The following MYO10 variants were observed in gnomAD, a reference collection of about 807,000 sequenced individuals.
MYO10 encodes the protein myosin X, also known as unconventional myosin-X.
In MYO10, 133 loss-of-function variants were observed where a neutral mutation model predicts 257.3. The ratio of observed to expected loss-of-function variants is 0.52; its 90% CI spans 0.45 to 0.60. MYO10 has a LOEUF of 0.60. Ranked by LOEUF, MYO10 falls within the 20% of genes least tolerant of loss-of-function variation. The pLI, the probability that MYO10 is intolerant of heterozygous loss-of-function variation, is 0.00. For missense variants in MYO10, 2,399 were observed against 2,635.7 expected, an observed-to-expected ratio of 0.91 and a Z score of 1.97; for synonymous variants, 1,104 against 1,028.6, an observed-to-expected ratio of 1.07 and a Z score of -1.40.
At chr5:16,795,780 T>C (rs754845314) in intron 3 of MYO10, among the ~76,000 whole-genome samples, 145 of 152,202 alleles carry the variant, frequency 9.5e-4, no homozygotes, top group Non-Finnish European at 1.7e-3. Flanking sequence ...AAGTGCTAGG[T>C]CTGTGAATGT....
chr5:16,805,305 A>G (rs1189807508), intron 3 of MYO10, among the ~76,000 whole-genome samples: 1 of 151,888 alleles, frequency 6.6e-6, no homozygotes, highest in Admixed American at 6.6e-5. Flanking sequence ...TCTACTAAAA[A>G]TACAAAATTA....
chr5:16,728,704 G>A (rs1372478339), intron 19 of MYO10, among the ~76,000 whole-genome samples: 4 of 152,160 alleles, frequency 2.6e-5, no homozygotes, highest in Admixed American at 2.0e-4. Flanking sequence ...TGATCCAAGT[G>A]GAGTGGCTTG....
chr5:16,699,797 AAAAAAAAAAAG>A (rs1294822149), intron 25 of MYO10, among the ~76,000 whole-genome samples: 3 of 147,342 alleles, frequency 2.0e-5, no homozygotes, highest in Non-Finnish European at 2.9e-5. Context: ...AAAAAAAAAA[AAAAAAAAAAAG>A]GGAAAAGGAA....
chr5:16,851,589 CATA>C (rs1277250641), intron 2 of MYO10, among the ~76,000 whole-genome samples: 1 of 152,156 alleles, frequency 6.6e-6, no homozygotes, highest in Admixed American at 6.5e-5. Context: ...GTGCCCAGGT[CATA>C]ATGTGAGCTC....
At position 16,680,055 on chromosome 5, in the gene MYO10, G is replaced by A. The variant is rs764407217; in HGVS notation, c.4434C>T (p.Tyr1478=). 2.5e-6 allele frequency: 4 copies of A among 1,613,876 alleles called. No individual in the cohort carries two copies. The highest frequency in any genetic ancestry group is 3.4e-6 in the Non-Finnish European group (4 of 1,179,782). The change falls in exon 33 of 41, where the codon TAC becomes TAT. Residue 1478 remains tyrosine (Y), a synonymous_variant. Coordinates refer to ENST00000513610, the MANE Select transcript of MYO10 (RefSeq NM_012334.3). ...VYGRKHCYRL[Y]TKLLNEATRW... is the part of the protein sequence containing the mutation. Reference sequence around the variant, plus strand: ...GGGTGGCCTCGTTGAGCAGCTTGGTGTAGAGCCGGTAACAGTGCTTGCGCC... The same window carrying A: ...GGGTGGCCTCGTTGAGCAGCTTGGTATAGAGCCGGTAACAGTGCTTGCGCC...
chr5:16,860,905 T>G (rs1269629980), intron 2 of MYO10, among the ~76,000 whole-genome samples: 3 of 152,002 alleles, frequency 2.0e-5, no homozygotes, highest in African/African-American at 7.3e-5. Flanking sequence ...GTTAGCACTT[T>G]CTAAGCCCAG....
chr5:16,781,788 T>C lies in MYO10; in HGVS notation c.644A>G (p.Asn215Ser), dbSNP rs1301050457. 6.2e-7 allele frequency: 1 copy of C among 1,613,992 alleles called. No individual in the cohort carries two copies. The highest frequency in any genetic ancestry group is 1.1e-5 in the South Asian group (1 of 91,078). Residue 215 changes from asparagine (N) to serine (S), a missense_variant, in exon 6 of 41, where the codon AAC (asparagine) becomes AGC (serine). Asn to Ser is a conservative substitution (Grantham distance 46). Transcript: ENST00000513610. ...CTTCCCAAAGCGACTAGAGTTGTTG[T>C]TGTACACGGTCTTCGCATTGCCGAA... ...EAFGNAKTVY[N>S]NNSSRFGKFV...
intron 3 of MYO10, among the ~76,000 whole-genome samples, chr5:16,812,400 C>T (rs1742468614): frequency 6.6e-6 from 1 of 152,196 alleles, no homozygotes; most frequent in African/African-American, 2.4e-5. Flanking sequence ...CGGCCTCTGT[C>T]CCCTCAGCGA....
chr5:16,673,657 A>G, intron 36 of MYO10, 25 bp downstream of exon 36: 1 of 1,602,644 alleles, frequency 6.2e-7, no homozygotes, highest in Non-Finnish European at 8.5e-7. Context: ...ATCTAACAGA[A>G]CAAGCAGCAG....
Position 16,762,568 on chromosome 5 carries a change from C to G in MYO10, c.1564G>C (p.Glu522Gln). The G allele has an allele frequency of 3.1e-6, 5 of 1,609,554 alleles. No individual in the cohort carries two copies. In the South Asian group the frequency reaches 5.6e-5, roughly 18 times the overall value. Residue 522 changes from glutamate (E) to glutamine (Q), a missense_variant, in exon 15 of 41, where the codon GAG (glutamate) becomes CAG (glutamine). Physicochemically the swap from Glu to Gln is conservative, Grantham distance 29. Coordinates refer to ENST00000513610, the MANE Select transcript of MYO10 (RefSeq NM_012334.3). ...ACCGCATGCTGACTGTGTAGCTTCT[C>G]CAATAAGGTGCTGTCTGTGGCTTGA... The part of the protein sequence containing the change: ...FPQATDSTLL[E>Q]KLHSQHANNH...
intron 38 of MYO10, 109 bp downstream of exon 38, chr5:16,671,313 C>A: frequency 7.4e-7 from 1 of 1,342,688 alleles, no homozygotes; most frequent in East Asian, 2.5e-5. Context: ...GCTGGGAAAT[C>A]CACAGGTGTG....
intron 2 of MYO10, among the ~76,000 whole-genome samples, chr5:16,874,072 C>T (rs28773002): frequency 0.038 from 5,721 of 152,226 alleles, 379 homozygotes; most frequent in African/African-American, 0.13. Context: ...TGGTGGCTCA[C>T]GCCTGTAATC....
intron 1 of MYO10, among the ~76,000 whole-genome samples, chr5:16,925,073 C>T (rs1010272805): frequency 1.1e-4 from 16 of 151,958 alleles, no homozygotes; most frequent in East Asian, 5.8e-4. Flanking sequence ...CCTCGTGATC[C>T]GCCTGCCTCG....
At chr5:16,787,859 G>A (rs1164955707) in intron 4 of MYO10, among the ~76,000 whole-genome samples, 1 of 151,988 alleles carries the variant, frequency 6.6e-6, no homozygotes, top group Non-Finnish European at 1.5e-5. Context: ...GTGCAGTGGC[G>A]CAATCTTGGC....
chr5:16,724,904 T>C (rs1739294848), intron 19 of MYO10, among the ~76,000 whole-genome samples: 1 of 152,144 alleles, frequency 6.6e-6, no homozygotes, highest in African/African-American at 2.4e-5. Context: ...TCAATGCATG[T>C]ATAAACACAG....
At chr5:16,892,507 G>C (rs114969528) in intron 1 of MYO10, among the ~76,000 whole-genome samples, 1 of 152,200 alleles carries the variant, frequency 6.6e-6, no homozygotes, top group African/African-American at 2.4e-5. Context: ...GCTGGGCATG[G>C]TGGCATGCGC....
chr5:16,848,947 T>C (rs1317616263), intron 2 of MYO10, among the ~76,000 whole-genome samples: 1 of 152,096 alleles, frequency 6.6e-6, no homozygotes, highest in African/African-American at 2.4e-5. Context: ...AAATATTATG[T>C]ATTTGAATTA....
At chr5:16,738,023 AG>A (rs1413809158) in intron 19 of MYO10, 1 of 813,342 alleles carries the variant, frequency 1.2e-6, no homozygotes, top group African/African-American at 1.9e-5. Context: ...GCACGGAACT[AG>A]AAAATCTAGA....
At chr5:16,734,997 G>A (rs964857065) in intron 19 of MYO10, among the ~76,000 whole-genome samples, 1 of 152,024 alleles carries the variant, frequency 6.6e-6, no homozygotes, top group African/African-American at 2.4e-5. Flanking sequence ...CTTCCCTGAT[G>A]GGAGAACAGA....
Sources: allele counts gnomAD v4.1 joint callset (sites outside exome capture counted in the v4.1 genomes callset), GRCh38; gene constraint gnomAD v4.1.1; transcripts MANE v1.5; gene names NCBI Gene and HGNC (gene_info 2026-07-23, HGNC 2026-07-21).